COLEC10: variants seen among roughly 807,000 people sequenced by gnomAD.
The protein encoded by COLEC10 is collectin subfamily member 10.
Under a neutral mutation model 28.4 loss-of-function variants are expected in COLEC10, and 22 were observed. That is an observed-to-expected ratio of 0.78 (90% CI 0.55 to 1.11). The LOEUF (loss-of-function observed/expected upper bound fraction) is 1.11, where lower values mean the gene tolerates loss of function less well. Among genes scored for constraint, COLEC10 ranks in the 50% least tolerant of loss-of-function variants. The probability of loss-of-function intolerance (pLI) is 0.00; values close to 1 mark genes in which losing one functional copy is unlikely to be tolerated. For missense variants in COLEC10, 361 were observed against 344.1 expected (o/e 1.05, Z -0.39); for synonymous variants, 125 against 116.1 (o/e 1.08, Z -0.49).
In COLEC10 at chr8:119,102,546, G is replaced by A. The variant is rs151276063; in HGVS notation, c.346+145G>A. The A allele has an allele frequency of 6.0e-4, 393 of 652,428 alleles. 2 individuals carry two copies. The highest frequency in any genetic ancestry group is 5.1e-3 in the African/African-American group (268 of 52,744). The allele number at this position is 652,428 out of a possible 1,614,324, so 40.4% of individuals were successfully genotyped here. On this transcript the variant is annotated intron_variant, in intron 4 of 5. Transcript: ENST00000332843. ...CTCAGGCTAGAAGAAAGGGAAGAAG[G>A]GGACTTTCCTGTCTCCCTGCTGGTG... is the stretch of plus-strand genomic sequence containing the variant.
At chr8:118,994,496 G>A (rs973702026), upstream of COLEC10, among the ~76,000 whole-genome samples, 3 of 152,144 alleles carry the variant, frequency 2.0e-5, no homozygotes, top group Non-Finnish European at 4.4e-5. Flanking sequence ...CCACTAGCTA[G>A]AATGCTTCAC....
the COLEC10 span, among the ~76,000 whole-genome samples, chr8:118,975,478 C>A: frequency 2.6e-5 from 4 of 151,916 alleles, no homozygotes; most frequent in East Asian, 7.7e-4. Flanking sequence ...TTGTCAGATA[C>A]TGTATATTTT....
chr8:118,973,206 C>T, the COLEC10 span, among the ~76,000 whole-genome samples: 14 of 151,932 alleles, frequency 9.2e-5, no homozygotes, highest in East Asian at 1.9e-4. Flanking sequence ...GCCTTTATTC[C>T]GTTTTAGTTA....
chr8:119,020,809 T>C (rs1015298119), intron 2 of COLEC10, among the ~76,000 whole-genome samples: 1 of 152,186 alleles, frequency 6.6e-6, no homozygotes, highest in Non-Finnish European at 1.5e-5. Context: ...ATTTACAACA[T>C]GCCTAGTTCT....
chr8:119,101,711 A>G (rs777336815), intron 3 of COLEC10, among the ~76,000 whole-genome samples: 13 of 152,176 alleles, frequency 8.5e-5, no homozygotes, highest in Non-Finnish European at 1.8e-4. Flanking sequence ...ATATCCTTTC[A>G]AAGCACCCAG....
At chr8:119,071,736 G>T (rs1815129839) in intron 1 of COLEC10, among the ~76,000 whole-genome samples, 1 of 152,038 alleles carries the variant, frequency 6.6e-6, no homozygotes, top group African/African-American at 2.4e-5. Context: ...GCTGAGCATG[G>T]TTTTCTAAAC....
chr8:118,992,520 T>C (rs1813519682), upstream of COLEC10, among the ~76,000 whole-genome samples: 1 of 152,188 alleles, frequency 6.6e-6, no homozygotes, highest in Non-Finnish European at 1.5e-5. Context: ...GACAGAAATC[T>C]GTATGCAACA....
At chr8:119,095,540 A>G (rs1406043666) in intron 3 of COLEC10, among the ~76,000 whole-genome samples, 1 of 152,144 alleles carries the variant, frequency 6.6e-6, no homozygotes, top group African/African-American at 2.4e-5. Context: ...CGTCTCTACT[A>G]AACATACAAA....
At chr8:119,083,355 A>T (rs1815404834) in intron 1 of COLEC10, among the ~76,000 whole-genome samples, 1 of 152,186 alleles carries the variant, frequency 6.6e-6, no homozygotes, top group Non-Finnish European at 1.5e-5. Flanking sequence ...TTCTAAATAA[A>T]ATCCTCAAAA....
upstream of COLEC10, among the ~76,000 whole-genome samples, chr8:118,990,552 T>G (rs991283072): frequency 6.6e-5 from 10 of 152,142 alleles, no homozygotes; most frequent in African/African-American, 1.9e-4. Flanking sequence ...ATTATTTCTC[T>G]CCACAAAACC....
the COLEC10 span, among the ~76,000 whole-genome samples, chr8:118,958,464 C>T: frequency 6.6e-6 from 1 of 152,210 alleles, no homozygotes; most frequent in Non-Finnish European, 1.5e-5. Flanking sequence ...GAGGCTGCAT[C>T]TAGAAATGAT....
the COLEC10 span, among the ~76,000 whole-genome samples, chr8:118,959,300 AT>A: frequency 6.6e-6 from 1 of 152,218 alleles, no homozygotes; most frequent in African/African-American, 2.4e-5. Flanking sequence ...TGGTCAAGTC[AT>A]TTGGGGCCTT....
the COLEC10 span, among the ~76,000 whole-genome samples, chr8:118,981,224 A>G: frequency 1.3e-5 from 2 of 152,104 alleles, no homozygotes; most frequent in African/African-American, 2.4e-5. Flanking sequence ...AAACATATCT[A>G]TACTCTTGGT....
rs371161751 is a variant in COLEC10 at position 119,067,309 on chromosome 8, A to G, written c.28A>G (p.Arg10Gly). 3 of 1,614,000 alleles carry G rather than the reference A, an allele frequency of 1.9e-6. No individual in the cohort carries two copies. The highest frequency in any genetic ancestry group is 1.1e-5 in the South Asian group (1 of 91,074). The change falls in exon 1 of 6, where the codon AGA becomes GGA. Residue 10 changes from arginine (R) to glycine (G), a missense_variant. Arg to Gly is a moderately radical substitution (Grantham distance 125). Coordinates refer to ENST00000332843, the MANE Select transcript of COLEC10 (RefSeq NM_006438.5). ...GAATGGCTTTGCATCCTTGCTTCGA[A>G]GAAACCAATTTATCCTCCTGGTACT... Reference protein sequence around the residue: MNGFASLLRRNQFILLVLFL... With the variant: MNGFASLLRGNQFILLVLFL...
the COLEC10 span, among the ~76,000 whole-genome samples, chr8:118,957,758 T>C: frequency 6.6e-6 from 1 of 152,174 alleles, no homozygotes; most frequent in African/African-American, 2.4e-5. Context: ...ATGAATTCTC[T>C]AGCCAATCCT....
At chr8:118,960,152 G>T in the COLEC10 span, among the ~76,000 whole-genome samples, 1 of 152,120 alleles carries the variant, frequency 6.6e-6, no homozygotes, top group Admixed American at 6.6e-5. Context: ...GGGGGTAGGG[G>T]GTGTTGGTGG....
chr8:119,085,599 C>CTTTTTTTTTTTTTTTTTTTT (rs66829005), intron 1 of COLEC10, among the ~76,000 whole-genome samples: 24 of 63,556 alleles, frequency 3.8e-4, no homozygotes, highest in Admixed American at 7.8e-4. Context: ...TCTTCTTCTT[C>CTTTTTTTTTTTTTTTTTTTT]TTTTTTTTTT....
chr8:119,069,625 AAAAAATATATATATATATATATAT>A (rs1368321978), intron 1 of COLEC10, among the ~76,000 whole-genome samples: 2 of 50,348 alleles, frequency 4.0e-5, no homozygotes, highest in African/African-American at 1.9e-4. Context: ...AAAAAAAAAA[AAAAAATATATATATATATATATAT>A]ATATATATAT....
chr8:119,087,002 C>T (rs150629556), intron 1 of COLEC10, among the ~76,000 whole-genome samples: 1 of 152,304 alleles, frequency 6.6e-6, no homozygotes, highest in African/African-American at 2.4e-5. Context: ...CTCTCTGTGA[C>T]CCCATTTCCT....
Sources: allele counts gnomAD v4.1 joint callset (sites outside exome capture counted in the v4.1 genomes callset), GRCh38; gene constraint gnomAD v4.1.1; transcripts MANE v1.5; gene names NCBI Gene and HGNC (gene_info 2026-07-23, HGNC 2026-07-21).